FAM186A: variants seen among roughly 807,000 people sequenced by gnomAD.
FAM186A encodes the protein protein FAM186A.
A neutral mutation model predicts 216.8 loss-of-function variants in FAM186A; 163 were observed. The observed-to-expected ratio is 0.75, with a 90% CI of 0.66 to 0.86. The LOEUF (loss-of-function observed/expected upper bound fraction) is 0.86. Ranked by LOEUF, FAM186A falls within the 40% of genes least tolerant of loss-of-function variation. FAM186A has a pLI of 0.00. For synonymous variants in FAM186A, 805 were observed against 1,025.3 expected, an observed-to-expected ratio of 0.79 and a Z score of 4.10; for missense variants, 2,184 against 2,746.2, an observed-to-expected ratio of 0.80 and a Z score of 4.58.
intron 7 of FAM186A, among the ~76,000 whole-genome samples, chr12:50,329,464 C>G: frequency 6.6e-6 from 1 of 152,184 alleles, no homozygotes; most frequent in Admixed American, 6.5e-5. Flanking sequence ...TCCATAAACT[C>G]GTGCTCATGA....
Position 50,350,841 on chromosome 12 carries a change from G to A in FAM186A, c.5991C>T (p.Ser1997=), listed in dbSNP as rs768477883. 143 of 1,551,464 alleles carry A rather than the reference G, an allele frequency of 9.2e-5. No individual in the cohort carries two copies. Among genetic ancestry groups the A allele is most frequent in the African/African-American group, 1.6e-4 (12 of 73,010 alleles). Residue 1997 remains serine, a synonymous_variant, in exon 4 of 8, where the codon TCC becomes TCT. Coordinates refer to ENST00000327337, the MANE Select transcript of FAM186A (RefSeq NM_001145475.3). The part of the protein sequence containing the change: ...KFQMSEVSDT[S]EETQILRDTF... Reference sequence around the variant, plus strand: ...TGTCTCGAAGTATCTGGGTTTCTTCGGAAGTGTCAGAGACCTCCGACATTT... The same window carrying A: ...TGTCTCGAAGTATCTGGGTTTCTTCAGAAGTGTCAGAGACCTCCGACATTT...
chr12:50,350,568 G>C lies in FAM186A; in HGVS notation c.6264C>G (p.Pro2088=). 2 of 1,551,574 alleles carry C rather than the reference G, an allele frequency of 1.3e-6. No individual in the cohort carries two copies. The highest frequency in any genetic ancestry group is 1.7e-6 in the Non-Finnish European group (2 of 1,146,982). ...ILSSVSDTKK[P]KVMVPPSSPQ... ...GAGAGGAAGGGGGCACCATTACTTT[G>C]GGTTTCTTGGTATCTGAAACTGAAC... The change falls in exon 4 of 8, where the codon CCC becomes CCG. Residue 2088 remains proline (P), a synonymous_variant. Coordinates refer to ENST00000327337, the MANE Select transcript of FAM186A (RefSeq NM_001145475.3).
In FAM186A at chr12:50,356,209, A is replaced by T. The variant is rs753734245; in HGVS notation, c.623T>A (p.Val208Asp). 20 of 1,550,422 alleles carry T rather than the reference A, an allele frequency of 1.3e-5. No individual in the cohort carries two copies. The highest frequency in any genetic ancestry group is 1.7e-5 in the Non-Finnish European group (20 of 1,146,690). ...GTLWKSWKER[V>D]IKRPSTARAL... Reference sequence around the variant, plus strand: ...ACGGGCTGTTGAAGGTCGTTTTATAACTCTTTCTTTCCAAGATTTCCATAG... The same window carrying T: ...ACGGGCTGTTGAAGGTCGTTTTATATCTCTTTCTTTCCAAGATTTCCATAG... Residue 208 changes from valine to aspartate, a missense_variant, in exon 4 of 8, where the codon GTT (valine) becomes GAT (aspartate). By Grantham distance (152) the Val-to-Asp change is radical. Transcript: ENST00000327337.
chr12:50,383,278 A>AAAAAAAACAAAGAG (rs1555218962), intron 1 of FAM186A, among the ~76,000 whole-genome samples: 1 of 49,170 alleles, frequency 2.0e-5, no homozygotes, highest in Non-Finnish European at 4.4e-5. Flanking sequence ...AAAAAAAAAA[A>AAAAAAAACAAAGAG]AGAGAGAGAG....
chr12:50,368,560 A>G (rs1454750292), intron 1 of FAM186A, among the ~76,000 whole-genome samples: 2 of 152,176 alleles, frequency 1.3e-5, no homozygotes, highest in Admixed American at 6.5e-5. Context: ...GGATTGGAAT[A>G]TTTAATATTG....
At chr12:50,364,320 T>C (rs1736995055) in intron 1 of FAM186A, among the ~76,000 whole-genome samples, 1 of 151,376 alleles carries the variant, frequency 6.6e-6, no homozygotes, top group South Asian at 2.1e-4. Context: ...TTTGGGAGGC[T>C]GAGGAGGGCA....
Position 50,354,934 on chromosome 12 carries a change from T to C in FAM186A, c.1898A>G (p.Gln633Arg), listed in dbSNP as rs991867407. ...KTEEKEELTK[Q>R]VKSHQLVKSL... ...TTTAACAAGTTGATGAGACTTGACT[T>C]GTTTGGTCAACTCTTCCTTCTCTTC... The change falls in exon 4 of 8, where the codon CAA (glutamine) becomes CGA (arginine). Residue 633 changes from glutamine to arginine, a missense_variant. Gln to Arg is a conservative substitution (Grantham distance 43). This residue lies in a region of FAM186A where 1,132 missense variants were observed against 1,263.4 expected (regional missense o/e 0.90). Transcript: ENST00000327337. 6.4e-7 allele frequency: 1 copy of C among 1,550,462 alleles called. No individual in the cohort carries two copies. The highest frequency in any genetic ancestry group is 1.4e-5 in the African/African-American group (1 of 72,928).
In FAM186A at chr12:50,360,935, G is replaced by C; in HGVS notation, c.413-9C>G. On this transcript the variant is annotated splice_polypyrimidine_tract_variant and intron_variant, in intron 2 of 7. Transcript: ENST00000327337. ...CTCAGACAAAACATCATCTTGAAGA[G>C]AGTAAAAAAAAAATCATTTTTGTGC... 2.0e-6 allele frequency: 3 copies of C among 1,514,334 alleles called. No homozygotes were observed. Among genetic ancestry groups the C allele is most frequent in the African/African-American group, 2.8e-5 (2 of 70,582 alleles). The allele number at this position is 1,514,334 out of a possible 1,614,324, so 93.8% of individuals were successfully genotyped here. A position where few individuals can be genotyped will look rare whatever the true frequency, so the allele number is the denominator to read the frequency against.
At chr12:50,327,506 CA>C (rs1565876806) in intron 7 of FAM186A, 102 bp from the exon 8 acceptor site, 3 of 670,398 alleles carry the variant, frequency 4.5e-6, no homozygotes, top group Non-Finnish European at 7.5e-6. Flanking sequence ...CTCCAGAACT[CA>C]AAAAGATAAA....
intron 7 of FAM186A, among the ~76,000 whole-genome samples, chr12:50,329,933 A>G (rs1047429369): frequency 6.6e-6 from 1 of 152,214 alleles, no homozygotes; most frequent in Admixed American, 6.5e-5. Context: ...GATTTCACCA[A>G]AATAAATCAG....
At chr12:50,361,195 G>T (rs1441839049) in intron 2 of FAM186A, among the ~76,000 whole-genome samples, 1 of 151,970 alleles carries the variant, frequency 6.6e-6, no homozygotes, top group African/African-American at 2.4e-5. Context: ...GTGTGTGTGT[G>T]TGTTTTGTTT....
chr12:50,350,693 G>A lies in FAM186A; in HGVS notation c.6139C>T (p.Pro2047Ser). 1 of 1,551,632 alleles carries A rather than the reference G, an allele frequency of 6.4e-7. No individual in the cohort carries two copies. The highest frequency in any genetic ancestry group is 2.4e-5 in the East Asian group (1 of 40,918). ...LLTLMKPTTS[P>S]SSLTTLLRTS... Reference sequence around the variant, plus strand: ...CTGAGTAGAGTAGTGAGAGAAGATGGTGATGTTGTTGGCTTCATGAGAGTG... The same window carrying A: ...CTGAGTAGAGTAGTGAGAGAAGATGATGATGTTGTTGGCTTCATGAGAGTG... Residue 2047 changes from proline (P) to serine (S), a missense_variant, in exon 4 of 8, where the codon CCA becomes TCA. This residue lies in a region of FAM186A where 721 missense variants were observed against 816.4 expected (regional missense o/e 0.88). Coordinates refer to ENST00000327337, the MANE Select transcript of FAM186A (RefSeq NM_001145475.3).
intron 4 of FAM186A, among the ~76,000 whole-genome samples, chr12:50,348,976 A>C (rs1942849060): frequency 3.9e-5 from 6 of 152,178 alleles, no homozygotes; most frequent in Non-Finnish European, 8.8e-5. Flanking sequence ...TAATCATATT[A>C]AGGTAAATGA....
chr12:50,366,166 T>C, intron 1 of FAM186A: 1 of 592,612 alleles, frequency 1.7e-6, no homozygotes. Flanking sequence ...GCCAAACAAA[T>C]CATCATGCAA....
chr12:50,328,542 T>TGCTC (rs1471289964), intron 7 of FAM186A, among the ~76,000 whole-genome samples: 178 of 149,478 alleles, frequency 1.2e-3, no homozygotes, highest in African/African-American at 3.9e-3. Context: ...GAGAGAGTCT[T>TGCTC]TGTTGCCCAG....
At chr12:50,331,927 A>G in intron 5 of FAM186A, 106 bp from the exon 6 acceptor site, 3 of 974,572 alleles carry the variant, frequency 3.1e-6, no homozygotes, top group Non-Finnish European at 2.9e-6. Context: ...CTCCTTTTCC[A>G]TGGATTTGCA....
In FAM186A at chr12:50,355,875, T is replaced by C; in HGVS notation, c.957A>G (p.Lys319=). ...CACATTTTTCTTCTGCATCTTGAAG[T>C]TTCTGCTGAAGCATTTCATTTTCGT... ...LSNENEMLQQ[K]LQDAEEKCEQ... is the part of the protein sequence containing the mutation. The change falls in exon 4 of 8, where the codon AAA becomes AAG. Residue 319 remains lysine, a synonymous_variant. Coordinates refer to ENST00000327337, the MANE Select transcript of FAM186A (RefSeq NM_001145475.3). 1 of 1,551,290 alleles carries C rather than the reference T, an allele frequency of 6.4e-7. No individual in the cohort carries two copies.
At chr12:50,349,042 A>G (rs182777224) in intron 4 of FAM186A, among the ~76,000 whole-genome samples, 7 of 152,248 alleles carry the variant, frequency 4.6e-5, no homozygotes, top group Non-Finnish European at 8.8e-5. Context: ...CAATAATCCA[A>G]TTATACTCTG....
At chr12:50,368,263 T>C (rs1211277922) in intron 1 of FAM186A, among the ~76,000 whole-genome samples, 1 of 151,882 alleles carries the variant, frequency 6.6e-6, no homozygotes, top group East Asian at 1.9e-4. Flanking sequence ...TTAGCCAGCA[T>C]GGTGGTGGGC....
Sources: gnomAD v4.1 joint callset for allele counts (sites outside exome capture counted in the v4.1 genomes callset) on GRCh38, gnomAD v4.1.1 for gene constraint, gnomAD v4.1.1 regional missense constraint, MANE v1.5 for transcripts, NCBI Gene and HGNC (gene_info 2026-07-23, HGNC 2026-07-21) for gene names.